The following TMEM131L variants were observed in gnomAD, a reference collection of about 807,000 sequenced individuals.
TMEM131L encodes transmembrane 131 like.
TMEM131L carries 54 observed loss-of-function variants against 192.2 expected under a neutral mutation model. The observed-to-expected ratio is 0.28, with a 90% confidence interval of 0.23 to 0.35. The LOEUF (loss-of-function observed/expected upper bound fraction) is 0.35, where lower values mean the gene tolerates loss of function less well. Among genes scored for constraint, TMEM131L ranks in the 10% least tolerant of loss-of-function variants. The pLI, the probability that TMEM131L is intolerant of heterozygous loss-of-function variation, is 1.00. For synonymous variants in TMEM131L, 701 were observed against 704.9 expected, an observed-to-expected ratio of 0.99 and a Z score of 0.09; for missense variants, 1,888 against 1,972.9, an observed-to-expected ratio of 0.96 and a Z score of 0.82.
Position 153,597,196 on chromosome 4 carries a change from T to G in TMEM131L, c.2123+811T>G, listed in dbSNP as rs181783108. Among the ~76,000 whole-genome samples the G allele has an allele frequency of 2.0e-5, 3 of 152,176 alleles. No homozygotes were observed. In the East Asian group the frequency reaches 5.8e-4, roughly 29 times the overall value. On this transcript the variant is annotated intron_variant, in intron 20 of 34. Transcript: ENST00000409959. The stretch of plus-strand genomic sequence containing the variant: ...TCTTCAGAGTTTATTCATTAAGCAT[T>G]TTAACTAAAAATACTTAATGCCCTG...
chr4:153,581,327 T>C (rs1278429391), intron 8 of TMEM131L, 80 bp from the exon 9 acceptor site: 1 of 1,158,056 alleles, frequency 8.6e-7, no homozygotes, highest in African/African-American at 1.6e-5. Context: ...CGTTAAATGC[T>C]TCTCCTTTCC....
chr4:153,593,714 A>G (rs971820480), intron 18 of TMEM131L, 85 bp from the exon 19 acceptor site: 1 of 864,246 alleles, frequency 1.2e-6, no homozygotes, highest in Middle Eastern at 2.2e-4. Context: ...CTATGTATAA[A>G]TGTATATATG....
At chr4:153,598,919 C>G (rs17030216) in intron 21 of TMEM131L, among the ~76,000 whole-genome samples, 187 bp downstream of exon 21, 1 of 151,938 alleles carries the variant, frequency 6.6e-6, no homozygotes, top group African/African-American at 2.4e-5. Context: ...GCTGGTACCC[C>G]TGGATTAGAG....
intron 3 of TMEM131L, among the ~76,000 whole-genome samples, chr4:153,508,518 A>G (rs1734134673): frequency 6.6e-6 from 1 of 152,180 alleles, no homozygotes; most frequent in African/African-American, 2.4e-5. Flanking sequence ...GTGCCAGGCA[A>G]TGTGCTAGGT....
In TMEM131L at chr4:153,604,351, A is replaced by G. The variant is rs1246321850; in HGVS notation, c.3339A>G (p.Lys1113=). 6.2e-7 allele frequency: 1 copy of G among 1,613,900 alleles called. No individual in the cohort carries two copies. Among genetic ancestry groups the G allele is most frequent in the Non-Finnish European group, 8.5e-7 (1 of 1,179,968 alleles). ...TCTGTCCACTGAAGACCTCCAAGAA[A>G]CTACCTGAAAACCATTTACCAAGAA... ...RELCPLKTSK[K]LPENHLPRNS... The change falls in exon 25 of 35, where the codon AAA becomes AAG. Residue 1113 remains lysine, a synonymous_variant. Coordinates refer to ENST00000409959, the MANE Select transcript of TMEM131L (RefSeq NM_001131007.2).
At chr4:153,602,108 T>G (rs766042868) in intron 21 of TMEM131L, 44 bp from the exon 22 acceptor site, 18 of 1,114,560 alleles carry the variant, frequency 1.6e-5, no homozygotes, top group Non-Finnish European at 2.1e-5. Flanking sequence ...TAAATAAATT[T>G]TATAGTTCAC....
rs761206732 is a variant in TMEM131L, at chr4:153,586,273, T to C, written c.1376T>C (p.Leu459Pro). 3.7e-6 allele frequency: 6 copies of C among 1,603,034 alleles called. No homozygotes were observed. The highest frequency in any genetic ancestry group is 4.3e-6 in the Non-Finnish European group (5 of 1,176,308). ...PGCWNIFSLKLAVKDIAINLF... is the reference protein window; with the variant it reads ...PGCWNIFSLKPAVKDIAINLF... ...TGTTGGAATATATTTTCTTTGAAAC[T>C]TGCTGTTAAAGACATTGCCATAAAT... The change falls in exon 14 of 35, where the codon CTT (leucine) becomes CCT (proline). Residue 459 changes from leucine to proline, a missense_variant. Coordinates refer to ENST00000409959, the MANE Select transcript of TMEM131L (RefSeq NM_001131007.2).
At chr4:153,528,862 A>C (rs1735689133) in intron 3 of TMEM131L, among the ~76,000 whole-genome samples, 2 of 152,124 alleles carry the variant, frequency 1.3e-5, no homozygotes. Context: ...AAACATCTGC[A>C]ATGGTTTCTT....
At chr4:153,524,815 A>T (rs1279078013) in intron 3 of TMEM131L, among the ~76,000 whole-genome samples, 1 of 152,208 alleles carries the variant, frequency 6.6e-6, no homozygotes, top group African/African-American at 2.4e-5. Flanking sequence ...TATGTTATTT[A>T]GAGGATTTGT....
At chr4:153,622,535 A>T (rs1191324269) in intron 28 of TMEM131L, among the ~76,000 whole-genome samples, 1 of 152,202 alleles carries the variant, frequency 6.6e-6, no homozygotes, top group Admixed American at 6.5e-5. Context: ...CTCTTAGTGG[A>T]TATCTTATTA....
intron 18 of TMEM131L, among the ~76,000 whole-genome samples, chr4:153,593,331 A>G (rs548888217): frequency 1.3e-5 from 2 of 152,118 alleles, no homozygotes; most frequent in Non-Finnish European, 2.9e-5. Context: ...GGGAGGAGCC[A>G]TCTTGTGTGT....
chr4:153,506,566 G>T (rs1297119268), intron 3 of TMEM131L, among the ~76,000 whole-genome samples: 1 of 152,126 alleles, frequency 6.6e-6, no homozygotes, highest in Non-Finnish European at 1.5e-5. Flanking sequence ...ATTTACGCCG[G>T]GTGCGGTGGC....
chr4:153,506,844 A>C (rs10032988), intron 3 of TMEM131L, among the ~76,000 whole-genome samples: 3 of 81,928 alleles, frequency 3.7e-5, no homozygotes, highest in Non-Finnish European at 3.9e-5. Context: ...CTCTGTATCC[A>C]AAAAAAAAAA....
At chr4:153,587,190 C>T (rs1166179375) in intron 14 of TMEM131L, among the ~76,000 whole-genome samples, 3 of 151,454 alleles carry the variant, frequency 2.0e-5, no homozygotes, top group Non-Finnish European at 4.4e-5. Flanking sequence ...TTTTTCTATT[C>T]AAGAGATGCA....
At chr4:153,478,456 C>T (rs541885259) in intron 3 of TMEM131L, among the ~76,000 whole-genome samples, 89 of 152,270 alleles carry the variant, frequency 5.8e-4, no homozygotes, top group Non-Finnish European at 1.1e-3. Flanking sequence ...AGTACAGAGA[C>T]GTCCTGTATA....
chr4:153,496,056 C>G (rs1733149658), intron 3 of TMEM131L, among the ~76,000 whole-genome samples: 1 of 152,172 alleles, frequency 6.6e-6, no homozygotes, highest in Admixed American at 6.5e-5. Context: ...GAATGCCAAG[C>G]TAGCCCCTCT....
At chr4:153,531,001 C>T (rs1735858862) in intron 3 of TMEM131L, among the ~76,000 whole-genome samples, 1 of 152,206 alleles carries the variant, frequency 6.6e-6, no homozygotes, top group South Asian at 2.1e-4. Flanking sequence ...TCATTTCCTG[C>T]AGCCTGACTC....
At chr4:153,556,494 T>C (rs1194840526) in intron 5 of TMEM131L, among the ~76,000 whole-genome samples, 1 of 141,906 alleles carries the variant, frequency 7.0e-6, no homozygotes, top group Non-Finnish European at 1.5e-5. Flanking sequence ...TTACTATGTC[T>C]GCCTGATATT....
At chr4:153,605,331 A>C (rs551787693) in intron 25 of TMEM131L, among the ~76,000 whole-genome samples, 1 of 152,172 alleles carries the variant, frequency 6.6e-6, no homozygotes, top group Non-Finnish European at 1.5e-5. Flanking sequence ...CACCCTGACC[A>C]TTTGAATATA....
Sources: gnomAD v4.1 joint callset for allele counts (sites outside exome capture counted in the v4.1 genomes callset) on GRCh38, gnomAD v4.1.1 for gene constraint, MANE v1.5 for transcripts, NCBI Gene and HGNC (gene_info 2026-07-23, HGNC 2026-07-21) for gene names.